The following ZNF600 variants were observed in gnomAD, a reference collection of about 807,000 sequenced individuals.
The protein encoded by ZNF600 is zinc finger protein KR-ZNF1.
ZNF600 carries 4 observed loss-of-function variants against 7.3 expected under a neutral mutation model. That is an observed-to-expected ratio of 0.55 (90% CI 0.27 to 1.25). The LOEUF is 1.25. ZNF600 is among the 50% of genes most tolerant of loss of function. The pLI, the probability that ZNF600 is intolerant of heterozygous loss-of-function variation, is 0.12. For missense variants in ZNF600, 911 were observed against 922.1 expected (o/e 0.99, Z 0.16); for synonymous variants, 290 against 308.9 (o/e 0.94, Z 0.64).
intron 1 of ZNF600, among the ~76,000 whole-genome samples, chr19:52,782,633 G>C (rs1370878900): frequency 1.3e-5 from 2 of 152,152 alleles, no homozygotes; most frequent in African/African-American, 4.8e-5. Flanking sequence ...CAACACTTCG[G>C]GAGGCCGAGG....
chr19:52,819,413 T>A, the ZNF600 span, among the ~76,000 whole-genome samples: 1 of 141,088 alleles, frequency 7.1e-6, no homozygotes, highest in Non-Finnish European at 1.5e-5. Context: ...TTTTTTCATT[T>A]TTGGGGTACT....
At position 52,765,787 on chromosome 19, in the gene ZNF600, T is replaced by C. The variant is rs368144911; in HGVS notation, c.2176A>G (p.Arg726Gly). The stretch of plus-strand genomic sequence containing the variant: ...GGTTTCTTTCCAGGATGAATTCTCC[T>C]ATGTCTTTTAAGGTGTGATTTGCGA... Residue 726 changes from arginine (R) to glycine (G), a missense_variant, in exon 4 of 4, where the codon AGG (arginine) becomes GGG (glycine). Physicochemically the swap from Arg to Gly is moderately radical, Grantham distance 125. Transcript: ENST00000648973. 48 of 1,613,954 alleles carry C rather than the reference T, an allele frequency of 3.0e-5. No homozygotes were observed. The East Asian group carries it at 5.6e-4, about 19-fold the overall frequency.
chr19:52,817,192 G>C, the ZNF600 span, among the ~76,000 whole-genome samples: 1 of 152,024 alleles, frequency 6.6e-6, no homozygotes, highest in Non-Finnish European at 1.5e-5. Context: ...GATCAACATG[G>C]AGAAACCTCG....
chr19:52,813,249 GAA>G, the ZNF600 span, among the ~76,000 whole-genome samples: 780 of 62,974 alleles, frequency 0.012, 14 homozygotes, highest in Middle Eastern at 0.1. Context: ...CTTGAATGGT[GAA>G]AAAAAAAAAA....
At chr19:52,830,260 G>A in the ZNF600 span, among the ~76,000 whole-genome samples, 1 of 152,064 alleles carries the variant, frequency 6.6e-6, no homozygotes, top group African/African-American at 2.4e-5. Context: ...CAACAAGAGC[G>A]AAACTCCATC....
chr19:52,794,270 A>G, the ZNF600 span, among the ~76,000 whole-genome samples: 4 of 152,102 alleles, frequency 2.6e-5, no homozygotes, highest in Non-Finnish European at 5.9e-5. Context: ...ACATTTTTGG[A>G]GGACAGGAAT....
chr19:52,776,027 A>G (rs1180300917), intron 2 of ZNF600, among the ~76,000 whole-genome samples: 4 of 149,072 alleles, frequency 2.7e-5, no homozygotes, highest in African/African-American at 1.0e-4. Flanking sequence ...ACCAAAAACC[A>G]AAAACTGTTA....
At chr19:52,775,479 G>C (rs1600387381) in intron 2 of ZNF600, among the ~76,000 whole-genome samples, 2 of 152,028 alleles carry the variant, frequency 1.3e-5, no homozygotes, top group African/African-American at 4.8e-5. Flanking sequence ...GAATCCGAGA[G>C]GTGGAGGTTA....
At chr19:52,829,759 C>G in the ZNF600 span, among the ~76,000 whole-genome samples, 1 of 151,370 alleles carries the variant, frequency 6.6e-6, no homozygotes, top group African/African-American at 2.4e-5. Flanking sequence ...CGATCTACCC[C>G]CCTCAGCCTC....
At chr19:52,832,008 A>G in the ZNF600 span, among the ~76,000 whole-genome samples, 335 of 132,340 alleles carry the variant, frequency 2.5e-3, 3 homozygotes, top group African/African-American at 8.9e-3. Context: ...TATAAAAAAT[A>G]AAACAATGCA....
At chr19:52,832,625 G>A in the ZNF600 span, among the ~76,000 whole-genome samples, 20 of 152,136 alleles carry the variant, frequency 1.3e-4, no homozygotes, top group Middle Eastern at 6.8e-3. Context: ...ACAATTAGCC[G>A]CTTGTGGTGA....
At chr19:52,789,164 G>C (rs35784937), upstream of ZNF600, among the ~76,000 whole-genome samples, 3 of 152,304 alleles carry the variant, frequency 2.0e-5, no homozygotes, top group East Asian at 5.8e-4. Flanking sequence ...AGGGAAGAAA[G>C]GCTGCTTGTC....
chr19:52,800,020 A>G, the ZNF600 span: 1 of 1,614,186 alleles, frequency 6.2e-7, no homozygotes, highest in Non-Finnish European at 8.5e-7. Flanking sequence ...CACTCATTAC[A>G]CTTGTAAGGT....
At chr19:52,767,208 G>A (rs199955123) in exon 4 of ZNF600, 4 of 1,613,946 alleles carry the variant, frequency 2.5e-6, no homozygotes, top group East Asian at 2.2e-5. Flanking sequence ...TCCTAAATGG[G>A]GTATCTGGTG....
At chr19:52,808,989 T>C in the ZNF600 span, among the ~76,000 whole-genome samples, 7 of 152,266 alleles carry the variant, frequency 4.6e-5, no homozygotes, top group East Asian at 1.4e-3. Flanking sequence ...TATATACAGA[T>C]GTGTGTATAT....
the ZNF600 span, among the ~76,000 whole-genome samples, chr19:52,832,647 C>T: frequency 6.6e-6 from 1 of 152,096 alleles, no homozygotes; most frequent in Non-Finnish European, 1.5e-5. Flanking sequence ...ACATGCCTAT[C>T]ATTCAAGCTC....
the ZNF600 span, among the ~76,000 whole-genome samples, chr19:52,824,149 CA>C: frequency 2.0e-5 from 3 of 151,546 alleles, no homozygotes; most frequent in Middle Eastern, 0.01. Flanking sequence ...GACTCCGTCT[CA>C]AAACAAAATA....
At chr19:52,801,165 CT>C in the ZNF600 span, 1 of 1,614,000 alleles carries the variant, frequency 6.2e-7, no homozygotes, top group Non-Finnish European at 8.5e-7. Flanking sequence ...TAAAAGTGAG[CT>C]ACAATTAAAG....
At chr19:52,790,895 G>A (rs2062789477), upstream of ZNF600, among the ~76,000 whole-genome samples, 1 of 151,748 alleles carries the variant, frequency 6.6e-6, no homozygotes, top group Non-Finnish European at 1.5e-5. Context: ...GGGACAGGCT[G>A]GTCTCAAACC....
Sources: gnomAD v4.1 joint callset for allele counts (sites outside exome capture counted in the v4.1 genomes callset) on GRCh38, gnomAD v4.1.1 for gene constraint, MANE v1.5 for transcripts, NCBI Gene and HGNC (gene_info 2026-07-23, HGNC 2026-07-21) for gene names.